The following FGF14 variants were observed in gnomAD, a reference collection of about 807,000 sequenced individuals.
FGF14 encodes the protein fibroblast growth factor homologous factor 4.
Under a neutral mutation model 25.5 loss-of-function variants are expected in FGF14, and 5 were observed. The ratio of observed to expected loss-of-function variants is 0.20; its 90% CI spans 0.10 to 0.41. The LOEUF (loss-of-function observed/expected upper bound fraction) is 0.41. Among genes scored for constraint, FGF14 ranks in the 10% least tolerant of loss-of-function variants. The probability of loss-of-function intolerance (pLI) is 1.00; values close to 1 mark genes in which losing one functional copy is unlikely to be tolerated. For synonymous variants in FGF14, 138 were observed against 118.3 expected (o/e 1.17, Z -1.08); for missense variants, 222 against 320.1 (o/e 0.69, Z 2.34).
intron 3 of FGF14, among the ~76,000 whole-genome samples, chr13:101,861,531 C>T (rs1566332652): frequency 6.7e-6 from 1 of 148,448 alleles, no homozygotes; most frequent in Admixed American, 6.7e-5. Flanking sequence ...CCCTTTAATT[C>T]AGAAGTTGCA....
Position 102,033,187 on chromosome 13 carries a change from G to C in FGF14, c.209-157891C>G, listed in dbSNP as rs180863282. Among the ~76,000 whole-genome samples, 39 of 152,140 alleles carry C rather than the reference G, an allele frequency of 2.6e-4. 1 individual carries two copies. In the East Asian group the frequency reaches 6.0e-3, roughly 23 times the overall value. ...CAGTTACTTTTCCAGTACATCTCAA[G>C]CATATTCTGATTTCCAGAACATTTT... On this transcript the variant is annotated intron_variant, in intron 1 of 4. Coordinates refer to the FGF14 transcript ENST00000376131.
chr13:101,916,316 C>A lies in FGF14; in HGVS notation c.193+137G>T, dbSNP rs2033481469. The stretch of plus-strand genomic sequence containing the variant: ...GCGGACTCCAGGGTCCCCGCGACGG[C>A]ACCCAGAGTGCTCAGAAGGGAGGCC... On this transcript the variant is annotated intron_variant, in intron 1 of 4. Coordinates refer to ENST00000376143, the MANE Select transcript of FGF14 (RefSeq NM_004115.4). 2.8e-6 allele frequency: 3 copies of A among 1,062,510 alleles called. No homozygotes were observed. The South Asian group carries it at 4.0e-5, about 14-fold the overall frequency. The allele number at this position is 1,062,510 out of a possible 1,614,324, so 65.8% of individuals were successfully genotyped here.
chr13:102,000,734 T>C (rs559543872), intron 1 of FGF14, among the ~76,000 whole-genome samples: 2 of 152,342 alleles, frequency 1.3e-5, no homozygotes, highest in African/African-American at 4.8e-5. Flanking sequence ...TGTTCCCAAA[T>C]GCAAATGCTC....
intron 1 of FGF14, among the ~76,000 whole-genome samples, chr13:102,103,314 T>C (rs1300457863): frequency 6.8e-6 from 1 of 146,072 alleles, no homozygotes; most frequent in Admixed American, 7.0e-5. Flanking sequence ...AACTGTGTCA[T>C]TTTAGATCAC....
At chr13:102,032,647 C>T (rs1427782807) in intron 1 of FGF14, among the ~76,000 whole-genome samples, 2 of 152,102 alleles carry the variant, frequency 1.3e-5, no homozygotes, top group African/African-American at 4.8e-5. Context: ...ATGTGGGCCA[C>T]CCACATATCA....
At chr13:101,946,898 T>C (rs563227426) in intron 1 of FGF14, among the ~76,000 whole-genome samples, 1 of 152,336 alleles carries the variant, frequency 6.6e-6, no homozygotes, top group East Asian at 1.9e-4. Flanking sequence ...GTTTTTATAA[T>C]ATTGAACCCA....
intron 1 of FGF14, among the ~76,000 whole-genome samples, chr13:101,922,894 G>GAT (rs978002896): frequency 1.3e-5 from 2 of 150,756 alleles, no homozygotes; most frequent in Non-Finnish European, 3.0e-5. Context: ...TTTGTACATT[G>GAT]ATATATATAT....
intron 3 of FGF14, among the ~76,000 whole-genome samples, chr13:101,736,651 A>G (rs1463163129): frequency 1.3e-5 from 2 of 152,092 alleles, no homozygotes; most frequent in Non-Finnish European, 2.9e-5. Flanking sequence ...ATTAAAGGAG[A>G]GCTAAGGTGA....
intron 1 of FGF14, among the ~76,000 whole-genome samples, chr13:102,037,947 C>T (rs2139979003): frequency 6.6e-6 from 1 of 152,046 alleles, no homozygotes; most frequent in South Asian, 2.1e-4. Context: ...CCAGTGTGAA[C>T]AAGCAAGAAA....
chr13:102,386,233 A>G lies in FGF14; in HGVS notation c.208+15238T>C, dbSNP rs147267142. On this transcript the variant is annotated intron_variant, in intron 1 of 4. Transcript: ENST00000376131. ...CGGCAACCTCTGCCTCCTGGGTCCA[A>G]GTGATTCTCCTGCCTCAGCTTCCCA... Among the ~76,000 whole-genome samples the G allele has an allele frequency of 6.7e-3, 1,008 of 151,518 alleles. 9 individuals carry two copies. The highest frequency in any genetic ancestry group is 0.02 in the African/African-American group (829 of 41,188).
chr13:101,750,329 G>A (rs750649466), intron 3 of FGF14, among the ~76,000 whole-genome samples: 8 of 151,972 alleles, frequency 5.3e-5, no homozygotes, highest in Non-Finnish European at 8.8e-5. Context: ...TACTGATATA[G>A]AGCACTTGAC....
chr13:102,040,109 C>T (rs915964933), intron 1 of FGF14, among the ~76,000 whole-genome samples: 1 of 152,036 alleles, frequency 6.6e-6, no homozygotes, highest in African/African-American at 2.4e-5. Flanking sequence ...AAATCCTATC[C>T]GTTCTTCAAG....
At chr13:101,945,779 G>A (rs1437353812) in intron 1 of FGF14, among the ~76,000 whole-genome samples, 1 of 152,172 alleles carries the variant, frequency 6.6e-6, no homozygotes. Flanking sequence ...CTGTGACACG[G>A]CACACTTTTC....
At chr13:101,969,239 G>T (rs1726199818) in intron 1 of FGF14, among the ~76,000 whole-genome samples, 2 of 152,122 alleles carry the variant, frequency 1.3e-5, no homozygotes, top group African/African-American at 2.4e-5. Flanking sequence ...ACTTCATCTG[G>T]TCTGGTTACT....
At chr13:102,195,595 A>C (rs1442143615) in intron 1 of FGF14, among the ~76,000 whole-genome samples, 1 of 150,510 alleles carries the variant, frequency 6.6e-6, no homozygotes, top group Non-Finnish European at 1.5e-5. Context: ...AACAAACAAA[A>C]AAAGACATAT....
chr13:101,979,708 G>GGGAT (rs1213776626), intron 1 of FGF14, among the ~76,000 whole-genome samples: 1 of 152,134 alleles, frequency 6.6e-6, no homozygotes, highest in African/African-American at 2.4e-5. Context: ...AAGGCAAAAG[G>GGGAT]GGATGCTCTT....
chr13:101,921,354 T>A (rs2033991107), upstream of FGF14, among the ~76,000 whole-genome samples: 1 of 152,208 alleles, frequency 6.6e-6, no homozygotes, highest in Non-Finnish European at 1.5e-5. Context: ...GATAGGTAAG[T>A]GTCTCATGCT....
rs1408872492 is a variant in FGF14, at chr13:101,722,022, T to TAAAAC, written c.*804_*808dup. The TAAAAC allele has an allele frequency of 6.6e-6, 1 of 152,092 alleles. No homozygotes were observed. The highest frequency in any genetic ancestry group is 1.5e-5 in the Non-Finnish European group (1 of 68,164). The allele number at this position is 152,092 out of a possible 1,614,324, so 9.4% of individuals were successfully genotyped here. A position where few individuals can be genotyped will look rare whatever the true frequency, so the allele number is the denominator to read the frequency against. Reference sequence around the variant, plus strand: ...ATTACCAGTAAGCTTGTGATATGTATAAAACACACACACACAAAGAAACTA... The same window carrying TAAAAC: ...ATTACCAGTAAGCTTGTGATATGTATAAAACAAAACACACACACACAAAGAAACTA... On this transcript the variant is annotated 3_prime_UTR_variant, in exon 5 of 5. Transcript: ENST00000376143.
chr13:101,918,814 G>A (rs1353418231), upstream of FGF14, among the ~76,000 whole-genome samples: 2 of 152,080 alleles, frequency 1.3e-5, no homozygotes, highest in Non-Finnish European at 2.9e-5. Context: ...GCTTTACGAC[G>A]GTGTTTGTCA....
Sources: gnomAD v4.1 joint callset for allele counts (sites outside exome capture counted in the v4.1 genomes callset) on GRCh38, gnomAD v4.1.1 for gene constraint, MANE v1.5 for transcripts, NCBI Gene and HGNC (gene_info 2026-07-23, HGNC 2026-07-21) for gene names.